CYSTM1: variants seen among roughly 807,000 people sequenced by gnomAD.
The protein encoded by CYSTM1 is cysteine rich transmembrane module containing 1.
In CYSTM1, 4 loss-of-function variants were observed where a neutral mutation model predicts 13.1. That is an observed-to-expected ratio of 0.31 (90% confidence interval 0.15 to 0.70). The LOEUF is 0.70. CYSTM1 is among the 30% of genes least tolerant of loss of function. CYSTM1 has a pLI of 0.72. For missense variants in CYSTM1, 96 were observed against 121.6 expected (o/e 0.79, Z 0.99); for synonymous variants, 36 against 42.7 (o/e 0.84, Z 0.62).
At chr5:140,187,662 C>T (rs1393019373) in intron 1 of CYSTM1, among the ~76,000 whole-genome samples, 1 of 152,194 alleles carries the variant, frequency 6.6e-6, no homozygotes, top group Non-Finnish European at 1.5e-5. Flanking sequence ...ACCATGGTGC[C>T]TGGCCCTGCT....
intron 2 of CYSTM1, among the ~76,000 whole-genome samples, chr5:140,220,627 G>A (rs910075965): frequency 6.6e-6 from 1 of 152,110 alleles, no homozygotes; most frequent in African/African-American, 2.4e-5. Flanking sequence ...TCCTCTGCAG[G>A]GTTGGCTGTG....
chr5:140,177,737 T>C (rs551285324), intron 1 of CYSTM1, among the ~76,000 whole-genome samples: 9 of 152,292 alleles, frequency 5.9e-5, no homozygotes, highest in African/African-American at 2.2e-4. Context: ...GAGATTATGA[T>C]AGTGATTTTT....
rs917160659 is a variant in CYSTM1 at position 140,175,743 on chromosome 5, G to A, written c.-21+458G>A. ...GGGCAGGGGGCAGGTCGCGAGTCCC[G>A]CGGGTGGGAGCGGAGCGGAAGTAAC... On this transcript the variant is annotated intron_variant, in intron 1 of 2. Transcript: ENST00000261811. This position sits in a 1 kb window ranked among gnomAD's most constrained non-coding sequence, Gnocchi z 4.9. 2.6e-5 allele frequency among the ~76,000 whole-genome samples: 4 copies of A among 152,256 alleles called. No individual in the cohort carries two copies. The highest frequency in any genetic ancestry group is 4.8e-5 in the African/African-American group (2 of 41,482).
At chr5:140,225,076 G>T (rs1764533685) in intron 2 of CYSTM1, among the ~76,000 whole-genome samples, 1 of 152,164 alleles carries the variant, frequency 6.6e-6, no homozygotes, top group Admixed American at 6.5e-5. Flanking sequence ...TAGCTACTTG[G>T]GAAGCAGAGG....
chr5:140,183,827 G>A (rs1362772323), intron 1 of CYSTM1, among the ~76,000 whole-genome samples: 1 of 152,200 alleles, frequency 6.6e-6, no homozygotes, highest in African/African-American at 2.4e-5. Flanking sequence ...GAGCCCTTGG[G>A]TGAGGTTAGC....
intron 1 of CYSTM1, among the ~76,000 whole-genome samples, chr5:140,176,744 G>A (rs1160420441): frequency 1.3e-5 from 2 of 152,182 alleles, no homozygotes; most frequent in Admixed American, 6.5e-5. Context: ...GCTGAAAGGA[G>A]TCCCATACTA....
chr5:140,194,814 A>T (rs1182063130), intron 2 of CYSTM1, among the ~76,000 whole-genome samples, 162 bp downstream of exon 2: 1 of 152,224 alleles, frequency 6.6e-6, no homozygotes, highest in Non-Finnish European at 1.5e-5. Context: ...TCCTGAGAAG[A>T]GGCCCAAGTC....
At position 140,195,105 on chromosome 5, in the gene CYSTM1, G is replaced by C. The variant is rs73254741; in HGVS notation, c.187+453G>C. ...ATGTTTTCATAATTCTATTTAACCTGCCAGTTGAGTTTTCAGGAGGCTCTT... is the reference window on the plus strand; with the variant it reads ...ATGTTTTCATAATTCTATTTAACCTCCCAGTTGAGTTTTCAGGAGGCTCTT... On this transcript the variant is annotated intron_variant, in intron 2 of 2. Coordinates refer to ENST00000261811, the MANE Select transcript of CYSTM1 (RefSeq NM_032412.4). Among the ~76,000 whole-genome samples, 1,335 of 152,044 alleles carry C rather than the reference G, an allele frequency of 8.8e-3. 17 individuals are homozygous for C. The highest frequency in any genetic ancestry group is 0.03 in the African/African-American group (1,260 of 41,440).
At chr5:140,224,566 G>C (rs1003852904) in intron 2 of CYSTM1, among the ~76,000 whole-genome samples, 1 of 151,952 alleles carries the variant, frequency 6.6e-6, no homozygotes. Flanking sequence ...TGTCACTTGG[G>C]CTGGAATGTG....
intron 2 of CYSTM1, among the ~76,000 whole-genome samples, chr5:140,242,380 A>G (rs560459373): frequency 2.0e-5 from 3 of 152,302 alleles, no homozygotes; most frequent in African/African-American, 7.2e-5. Flanking sequence ...TACAAAACAC[A>G]AGAAAACTGA....
chr5:140,178,828 C>T (rs1763924564), intron 1 of CYSTM1, among the ~76,000 whole-genome samples: 1 of 151,988 alleles, frequency 6.6e-6, no homozygotes, highest in Non-Finnish European at 1.5e-5. Flanking sequence ...CCTCAAACTC[C>T]TAGGCTCAAG....
chr5:140,194,444 A>G lies in CYSTM1; in HGVS notation c.-20-2A>G, dbSNP rs764475210. On this transcript the variant is annotated splice_acceptor_variant, in intron 1 of 2. Coordinates refer to ENST00000261811, the MANE Select transcript of CYSTM1 (RefSeq NM_032412.4). LOFTEE classifies it low-confidence loss of function (5UTR_SPLICE). ...ATAATTTTCATTCTTTTTGTCTCTT[A>G]GGTGCACTTTACAGGTCCCCGATGA... is the stretch of plus-strand genomic sequence containing the variant. 25 of 1,547,074 alleles carry G rather than the reference A, an allele frequency of 1.6e-5. No homozygotes were observed. The highest frequency in any genetic ancestry group is 2.2e-5 in the Non-Finnish European group (25 of 1,151,926).
chr5:140,192,874 A>G (rs1326185873), intron 1 of CYSTM1, among the ~76,000 whole-genome samples: 1 of 152,174 alleles, frequency 6.6e-6, no homozygotes, highest in Non-Finnish European at 1.5e-5. Context: ...CCTGAAGCAC[A>G]TGAACTACAG....
intron 1 of CYSTM1, among the ~76,000 whole-genome samples, chr5:140,190,103 A>G (rs1423401663): frequency 6.6e-6 from 1 of 151,210 alleles, no homozygotes; most frequent in Non-Finnish European, 1.5e-5. Context: ...GTGGTTTAGG[A>G]CTCTTTATTC....
At chr5:140,231,229 AAT>A (rs1386029030) in intron 2 of CYSTM1, among the ~76,000 whole-genome samples, 1 of 152,194 alleles carries the variant, frequency 6.6e-6, no homozygotes, top group Non-Finnish European at 1.5e-5. Context: ...TGTTACTGTG[AAT>A]AGATTACTTT....
At position 140,187,091 on chromosome 5, in the gene CYSTM1, C is replaced by T. The variant is rs371247264; in HGVS notation, c.-20-7355C>T. 8.0e-4 allele frequency among the ~76,000 whole-genome samples: 122 copies of T among 152,092 alleles called. No individual in the cohort carries two copies. The South Asian group carries it at 0.02, about 25-fold the overall frequency. ...TAGTGAGCCGAGATCGCACCACTGC[C>T]CTCCAGCCTGGGCGACAAAGTGAAA... On this transcript the variant is annotated intron_variant, in intron 1 of 2. Coordinates refer to ENST00000261811, the MANE Select transcript of CYSTM1 (RefSeq NM_032412.4).
At chr5:140,210,972 TG>T (rs1467428302) in intron 2 of CYSTM1, among the ~76,000 whole-genome samples, 2 of 152,208 alleles carry the variant, frequency 1.3e-5, no homozygotes, top group Non-Finnish European at 1.5e-5. Flanking sequence ...CTCTCCTGAC[TG>T]GACAGGCTGT....
rs1266174571 is a variant in CYSTM1, at chr5:140,239,865, G to A, written c.188-3440G>A. Among the ~76,000 whole-genome samples the A allele has an allele frequency of 6.6e-6, 1 of 152,212 alleles. No homozygotes were observed. The highest frequency in any genetic ancestry group is 1.5e-5 in the Non-Finnish European group (1 of 68,034). ...CCTGGACCTGACCCCCACTCCACCT[G>A]TAGTCCCCTAGGAATAGTCCCTTCT... On this transcript the variant is annotated intron_variant, in intron 2 of 2. Coordinates refer to ENST00000261811, the MANE Select transcript of CYSTM1 (RefSeq NM_032412.4). This position sits in a 1 kb window ranked among gnomAD's most constrained non-coding sequence, Gnocchi z 5.4.
rs959919504 is a variant in CYSTM1, at chr5:140,219,450, G to A, written c.188-23855G>A. On this transcript the variant is annotated intron_variant, in intron 2 of 2. Coordinates refer to ENST00000261811, the MANE Select transcript of CYSTM1 (RefSeq NM_032412.4). This position sits in a 1 kb window ranked among gnomAD's most constrained non-coding sequence, Gnocchi z 4.1. ...GAGACAGTCCTTACAAGTGAGGGTT[G>A]CCCCCGAATCACCTTCTCACCACAT... is the stretch of plus-strand genomic sequence containing the variant. Among the ~76,000 whole-genome samples, 2 of 152,158 alleles carry A rather than the reference G, an allele frequency of 1.3e-5. No individual in the cohort carries two copies. The highest frequency in any genetic ancestry group is 4.8e-5 in the African/African-American group (2 of 41,414).
Sources: gnomAD v4.1 joint callset for allele counts (sites outside exome capture counted in the v4.1 genomes callset) on GRCh38, gnomAD v4.1.1 for gene constraint, Gnocchi (gnomAD v3.1) non-coding constraint, MANE v1.5 for transcripts, NCBI Gene and HGNC (gene_info 2026-07-23, HGNC 2026-07-21) for gene names.